EDIL3: variants seen among roughly 807,000 people sequenced by gnomAD.
EDIL3 encodes EGF like and discoidin domains 3.
Under a neutral mutation model 67.4 loss-of-function variants are expected in EDIL3, and 37 were observed. That is an observed-to-expected ratio of 0.55 (90% CI 0.42 to 0.72). EDIL3 has a LOEUF of 0.72. Ranked by LOEUF, EDIL3 falls within the 30% of genes least tolerant of loss-of-function variation. The pLI is 0.00. For synonymous variants in EDIL3, 195 were observed against 196.3 expected, an observed-to-expected ratio of 0.99 and a Z score of 0.05; for missense variants, 527 against 586.3, an observed-to-expected ratio of 0.90 and a Z score of 1.04.
At chr5:84,299,548 TCTAA>T (rs1309807407) in intron 1 of EDIL3, among the ~76,000 whole-genome samples, 1 of 152,178 alleles carries the variant, frequency 6.6e-6, no homozygotes, top group Non-Finnish European at 1.5e-5. Flanking sequence ...AAATCTTTTC[TCTAA>T]CTTTTAAATT....
chr5:84,353,569 G>T (rs955819623), intron 1 of EDIL3, among the ~76,000 whole-genome samples: 2 of 152,042 alleles, frequency 1.3e-5, no homozygotes, highest in Non-Finnish European at 2.9e-5. Flanking sequence ...TTATTTCAAC[G>T]AATACTTAGG....
chr5:84,159,106 T>C (rs531253901), intron 4 of EDIL3, among the ~76,000 whole-genome samples: 31 of 152,090 alleles, frequency 2.0e-4, no homozygotes, highest in Non-Finnish European at 3.8e-4. Flanking sequence ...GTGGAAACGT[T>C]TTAGCCACTG....
chr5:84,142,143 CT>C lies in EDIL3; in HGVS notation c.356-4790del, dbSNP rs34814836. ...TATAGCCAAAAGCCCATGAAATTGA[CT>C]TTGGAGTGGTAGGCTGTCAAAGAGT... On this transcript the variant is annotated intron_variant, in intron 4 of 10. Coordinates refer to ENST00000296591, the MANE Select transcript of EDIL3 (RefSeq NM_005711.5). 5.6e-3 allele frequency among the ~76,000 whole-genome samples: 854 copies of C among 151,692 alleles called. 15 individuals carry two copies. The highest frequency in any genetic ancestry group is 0.038 in the East Asian group (195 of 5,148).
chr5:83,998,083 A>G (rs538040214), intron 9 of EDIL3, among the ~76,000 whole-genome samples: 1 of 152,258 alleles, frequency 6.6e-6, no homozygotes, highest in East Asian at 1.9e-4. Context: ...TTTATGGAAA[A>G]GTCTAGATGC....
At chr5:84,187,885 G>T (rs1412319471) in intron 3 of EDIL3, among the ~76,000 whole-genome samples, 1 of 151,836 alleles carries the variant, frequency 6.6e-6, no homozygotes, top group Non-Finnish European at 1.5e-5. Flanking sequence ...AAACGTAAAT[G>T]TGCAAAATTC....
chr5:84,162,683 G>C (rs1211654308), intron 4 of EDIL3, among the ~76,000 whole-genome samples: 2 of 152,012 alleles, frequency 1.3e-5, no homozygotes, highest in Non-Finnish European at 2.9e-5. Context: ...TTTTCCTCTT[G>C]GGCTCCCAAG....
At chr5:84,045,777 C>T (rs1375719422) in intron 9 of EDIL3, among the ~76,000 whole-genome samples, 1 of 152,054 alleles carries the variant, frequency 6.6e-6, no homozygotes, top group African/African-American at 2.4e-5. Context: ...TGCACAAATG[C>T]TAATTGTATT....
At chr5:84,243,317 G>C (rs1451925734) in intron 2 of EDIL3, among the ~76,000 whole-genome samples, 1 of 152,194 alleles carries the variant, frequency 6.6e-6, no homozygotes, top group Admixed American at 6.5e-5. Context: ...AAGTAATACA[G>C]CTGGACCTCC....
intron 10 of EDIL3, among the ~76,000 whole-genome samples, chr5:83,944,395 G>GTT: frequency 7.8e-6 from 1 of 128,490 alleles, no homozygotes; most frequent in South Asian, 2.7e-4. Context: ...TTGTAAAAAT[G>GTT]CTTTTTTTTT....
At chr5:84,267,276 G>A (rs745453844) in intron 1 of EDIL3, among the ~76,000 whole-genome samples, 1 of 151,874 alleles carries the variant, frequency 6.6e-6, no homozygotes, top group East Asian at 1.9e-4. Context: ...GGAAAGCTTT[G>A]GCCTCTTGCA....
chr5:84,334,502 C>T (rs1366352382), intron 1 of EDIL3, among the ~76,000 whole-genome samples: 2 of 152,094 alleles, frequency 1.3e-5, no homozygotes, highest in African/African-American at 2.4e-5. Context: ...GTCAATTTGC[C>T]TTGATTCATT....
chr5:84,178,850 G>T (rs1333634900), intron 4 of EDIL3, among the ~76,000 whole-genome samples: 2 of 152,108 alleles, frequency 1.3e-5, no homozygotes, highest in African/African-American at 4.8e-5. Context: ...TTCCTAACAT[G>T]GGTTTAAAAT....
chr5:84,001,527 C>G (rs1299404390), intron 9 of EDIL3, among the ~76,000 whole-genome samples: 1 of 151,462 alleles, frequency 6.6e-6, no homozygotes, highest in Admixed American at 6.6e-5. Context: ...ATAAAATCTA[C>G]AAACTTTTAG....
intron 9 of EDIL3, among the ~76,000 whole-genome samples, chr5:84,032,193 G>T (rs1745937099): frequency 6.6e-6 from 1 of 152,108 alleles, no homozygotes. Context: ...AACATAATTA[G>T]AATGGCAATT....
At position 83,997,740 on chromosome 5, in the gene EDIL3, G is replaced by A. The variant is rs537834290; in HGVS notation, c.1138-34380C>T. ...AGAAGCCTGTATTGATCATCCTCCCGCAGGAACACCAAATTGAACAACTAT... is the reference window on the plus strand; with the variant it reads ...AGAAGCCTGTATTGATCATCCTCCCACAGGAACACCAAATTGAACAACTAT... On this transcript the variant is annotated intron_variant, in intron 9 of 10. Coordinates refer to ENST00000296591, the MANE Select transcript of EDIL3 (RefSeq NM_005711.5). Among the ~76,000 whole-genome samples, 109 of 152,192 alleles carry A rather than the reference G, an allele frequency of 7.2e-4. 1 individual carries two copies. The highest frequency in any genetic ancestry group is 3.7e-3 in the South Asian group (18 of 4,818).
chr5:84,049,601 G>C (rs370898473), intron 9 of EDIL3, among the ~76,000 whole-genome samples: 40 of 152,262 alleles, frequency 2.6e-4, no homozygotes, highest in African/African-American at 5.1e-4. Flanking sequence ...GTCCAATTAG[G>C]AGTATGGAAT....
intron 4 of EDIL3, among the ~76,000 whole-genome samples, chr5:84,164,945 G>A (rs867307573): frequency 2.0e-5 from 3 of 152,116 alleles, no homozygotes; most frequent in Non-Finnish European, 4.4e-5. Context: ...AGCGATAAGG[G>A]CAAGGGCTTT....
chr5:84,375,195 C>T (rs1330668899), intron 1 of EDIL3, among the ~76,000 whole-genome samples: 1 of 152,114 alleles, frequency 6.6e-6, no homozygotes, highest in Non-Finnish European at 1.5e-5. Flanking sequence ...TGGTCTCGAT[C>T]TCTTGACCTC....
In EDIL3 at chr5:84,234,284, G is replaced by A. The variant is rs568563834; in HGVS notation, c.197-4400C>T. 2.0e-3 allele frequency among the ~76,000 whole-genome samples: 307 copies of A among 152,226 alleles called. 2 individuals are homozygous for A. Among genetic ancestry groups the A allele is most frequent in the South Asian group, 0.01 (49 of 4,822 alleles). On this transcript the variant is annotated intron_variant, in intron 2 of 10. Transcript: ENST00000296591. ...TTTTAAGTTAGTCGCTCTTTTGCAG[G>A]ACATTCCACCAGTGTACATGTTCCC...
Sources: allele counts gnomAD v4.1 joint callset (sites outside exome capture counted in the v4.1 genomes callset), GRCh38; gene constraint gnomAD v4.1.1; transcripts MANE v1.5; gene names NCBI Gene and HGNC (gene_info 2026-07-23, HGNC 2026-07-21).